Variants in NLK observed in about 807,000 individuals in gnomAD.
The protein encoded by NLK is nemo like kinase.
A neutral mutation model predicts 59.0 loss-of-function variants in NLK; 11 were observed. The observed-to-expected ratio is 0.19, with a 90% CI of 0.12 to 0.31. NLK has a LOEUF of 0.31. Among genes scored for constraint, NLK ranks in the 10% least tolerant of loss-of-function variants. The pLI, the probability that NLK is intolerant of heterozygous loss-of-function variation, is 1.00. For synonymous variants in NLK, 235 were observed against 235.9 expected (o/e 1.00, Z 0.03); for missense variants, 410 against 661.1 (o/e 0.62, Z 4.16).
At chr17:28,191,415 A>G (rs1017003928) in intron 9 of NLK, among the ~76,000 whole-genome samples, 196 bp downstream of exon 9, 6 of 152,210 alleles carry the variant, frequency 3.9e-5, no homozygotes, top group African/African-American at 1.4e-4. Flanking sequence ...GGGGAGAGGA[A>G]TGAATATTTT....
intron 1 of NLK, among the ~76,000 whole-genome samples, chr17:28,118,881 C>T (rs942113272): frequency 6.6e-6 from 1 of 152,136 alleles, no homozygotes; most frequent in Non-Finnish European, 1.5e-5. Flanking sequence ...AAGTAAACTC[C>T]TGTAAGTAAA....
At chr17:28,086,385 T>C (rs537247220) in intron 1 of NLK, among the ~76,000 whole-genome samples, 1 of 152,230 alleles carries the variant, frequency 6.6e-6, no homozygotes, top group South Asian at 2.1e-4. Context: ...AATACTGTCT[T>C]TTAGTTGAAT....
chr17:28,182,780 A>G (rs969520193), intron 7 of NLK, among the ~76,000 whole-genome samples: 7 of 151,882 alleles, frequency 4.6e-5, no homozygotes, highest in African/African-American at 1.7e-4. Flanking sequence ...CCCTGACCCT[A>G]AAGTGGTATG....
At chr17:28,117,483 G>T (rs1380057103) in intron 1 of NLK, among the ~76,000 whole-genome samples, 1 of 152,098 alleles carries the variant, frequency 6.6e-6, no homozygotes, top group Non-Finnish European at 1.5e-5. Flanking sequence ...GCCCAGTGCT[G>T]TCTTATCTGC....
intron 2 of NLK, among the ~76,000 whole-genome samples, chr17:28,125,059 C>T (rs1906239186): frequency 6.6e-6 from 1 of 151,724 alleles, no homozygotes; most frequent in Non-Finnish European, 1.5e-5. Flanking sequence ...AAAAAAAAGA[C>T]AAAAAAGAAA....
chr17:28,156,375 A>T (rs945614554), intron 3 of NLK, among the ~76,000 whole-genome samples: 12 of 152,222 alleles, frequency 7.9e-5, no homozygotes, highest in South Asian at 6.2e-4. Context: ...CCTTGAAAAC[A>T]ACAATTATGC....
chr17:28,191,036 G>T lies in NLK; in HGVS notation c.1252G>T (p.Ala418Ser). Residue 418 changes from alanine (A) to serine (S), a missense_variant, in exon 9 of 11, where the codon GCT (alanine) becomes TCT (serine). Coordinates refer to ENST00000407008, the MANE Select transcript of NLK (RefSeq NM_016231.5). ...LVFDPSKRIS[A>S]KDALAHPYLD... ...TTGATTTCAGTCCAAAAGAATATCC[G>T]CTAAGGATGCCTTAGCCCACCCCTA... 2 of 1,600,306 alleles carry T rather than the reference G, an allele frequency of 1.2e-6. No individual in the cohort carries two copies. Among genetic ancestry groups the T allele is most frequent in the Non-Finnish European group, 1.7e-6 (2 of 1,175,194 alleles).
chr17:28,150,265 T>C (rs1567728688), intron 3 of NLK, among the ~76,000 whole-genome samples: 1 of 152,198 alleles, frequency 6.6e-6, no homozygotes, highest in Non-Finnish European at 1.5e-5. Context: ...CTTCTCCTCA[T>C]AGCCCATAAT....
chr17:28,147,110 C>T (rs1907288355), intron 3 of NLK, among the ~76,000 whole-genome samples: 1 of 152,074 alleles, frequency 6.6e-6, no homozygotes, highest in Admixed American at 6.6e-5. Flanking sequence ...TGGCTGTTGC[C>T]TTGCATTCAT....
the NLK span, among the ~76,000 whole-genome samples, chr17:28,202,002 CGA>C: frequency 6.6e-6 from 1 of 151,706 alleles, no homozygotes; most frequent in Non-Finnish European, 1.5e-5. Context: ...GGTGACAGAG[CGA>C]GACTCTGTCT....
chr17:28,142,522 T>A (rs1429670925), intron 3 of NLK, among the ~76,000 whole-genome samples: 1 of 152,230 alleles, frequency 6.6e-6, no homozygotes, highest in Non-Finnish European at 1.5e-5. Flanking sequence ...GCTGACCATT[T>A]GTTACAAGAG....
At chr17:28,146,575 T>C (rs1009890660) in intron 3 of NLK, among the ~76,000 whole-genome samples, 2 of 152,216 alleles carry the variant, frequency 1.3e-5, no homozygotes, top group Admixed American at 6.5e-5. Flanking sequence ...CCTAATGTTA[T>C]CAAGCTACTA....
chr17:28,133,933 G>A (rs764756151), intron 3 of NLK, among the ~76,000 whole-genome samples: 3 of 152,028 alleles, frequency 2.0e-5, no homozygotes, highest in Non-Finnish European at 4.4e-5. Context: ...AACTAAGCTG[G>A]GTAAGGATTT....
At chr17:28,164,809 TTAAAC>T (rs1908156259) in intron 5 of NLK, among the ~76,000 whole-genome samples, 1 of 152,198 alleles carries the variant, frequency 6.6e-6, no homozygotes, top group Non-Finnish European at 1.5e-5. Flanking sequence ...TTGCTGGCGG[TTAAAC>T]TAAGTAATAA....
At chr17:28,111,862 G>A (rs181506844) in intron 1 of NLK, among the ~76,000 whole-genome samples, 61 of 63,710 alleles carry the variant, frequency 9.6e-4, no homozygotes, top group African/African-American at 3.5e-3. Context: ...GGCTTATACC[G>A]TGTGTGTGTG....
chr17:28,160,472 G>C (rs1195844484), intron 3 of NLK, among the ~76,000 whole-genome samples: 1 of 152,094 alleles, frequency 6.6e-6, no homozygotes, highest in African/African-American at 2.4e-5. Context: ...GTCTTGAATT[G>C]CATATCTCCA....
At chr17:28,121,659 C>T (rs1312127044) in intron 1 of NLK, among the ~76,000 whole-genome samples, 1 of 151,348 alleles carries the variant, frequency 6.6e-6, no homozygotes, top group African/African-American at 2.4e-5. Flanking sequence ...GCACCACGCC[C>T]GGCTAAATTT....
chr17:28,192,047 G>C, intron 9 of NLK, 73 bp from the exon 10 acceptor site: 2 of 774,950 alleles, frequency 2.6e-6, no homozygotes, highest in South Asian at 1.6e-5. Context: ...ATGCTGGCTA[G>C]AGTTCGCTGA....
At chr17:28,061,007 A>G (rs1001433977) in intron 1 of NLK, among the ~76,000 whole-genome samples, 8 of 152,304 alleles carry the variant, frequency 5.3e-5, no homozygotes, top group East Asian at 3.9e-4. Flanking sequence ...TATACCCACA[A>G]TTTATTAAAT....
Sources: allele counts gnomAD v4.1 joint callset (sites outside exome capture counted in the v4.1 genomes callset), GRCh38; gene constraint gnomAD v4.1.1; transcripts MANE v1.5; gene names NCBI Gene and HGNC (gene_info 2026-07-23, HGNC 2026-07-21).